The following RGS7 variants were observed in gnomAD, a reference collection of about 807,000 sequenced individuals.
RGS7 encodes regulator of G-protein signaling 7.
RGS7 carries 27 observed loss-of-function variants against 81.1 expected under a neutral mutation model. The observed-to-expected ratio is 0.33, with a 90% CI of 0.25 to 0.46. The LOEUF (loss-of-function observed/expected upper bound fraction) is 0.46. RGS7 is among the 20% of genes least tolerant of loss of function. RGS7 has a pLI of 1.00. For synonymous variants in RGS7, 208 were observed against 207.7 expected (o/e 1.00, Z -0.01); for missense variants, 396 against 607.4 (o/e 0.65, Z 3.66).
intron 2 of RGS7, among the ~76,000 whole-genome samples, chr1:241,205,970 A>G (rs2073852732): frequency 1.3e-5 from 2 of 151,886 alleles, no homozygotes; most frequent in South Asian, 4.1e-4. Flanking sequence ...AAAATTTGGC[A>G]GTAATTTCTA....
chr1:241,115,968 T>C (rs1275280164), intron 2 of RGS7, among the ~76,000 whole-genome samples: 1 of 152,134 alleles, frequency 6.6e-6, no homozygotes, highest in Non-Finnish European at 1.5e-5. Flanking sequence ...TCTCATGGAT[T>C]AAAAGTGTGT....
chr1:241,343,224 T>G (rs1450593077), intron 2 of RGS7, among the ~76,000 whole-genome samples: 1 of 147,844 alleles, frequency 6.8e-6, no homozygotes. Context: ...ATTGCACCAC[T>G]GCACTCCAGC....
At chr1:240,935,894 T>G (rs1676545747) in intron 5 of RGS7, among the ~76,000 whole-genome samples, 1 of 152,200 alleles carries the variant, frequency 6.6e-6, no homozygotes. Flanking sequence ...TGCCTTAATT[T>G]TACAGGCTAG....
intron 3 of RGS7, among the ~76,000 whole-genome samples, chr1:241,024,423 A>C (rs1199040826): frequency 6.6e-6 from 1 of 152,214 alleles, no homozygotes; most frequent in Non-Finnish European, 1.5e-5. Flanking sequence ...TGGAAGTACA[A>C]GTGTTCTCAT....
Position 240,861,746 on chromosome 1 carries a change from G to A in RGS7, c.609+6841C>T, listed in dbSNP as rs530381791. Among the ~76,000 whole-genome samples, 75 of 151,322 alleles carry A rather than the reference G, an allele frequency of 5.0e-4. No homozygotes were observed. In the Middle Eastern group the frequency reaches 0.01, roughly 21 times the overall value. ...ATTAATAATTTCACAATTTTTTTTT[G>A]TTCTTGCTTTTTTTTAGTTTGCCTC... On this transcript the variant is annotated intron_variant, in intron 9 of 18. Coordinates refer to ENST00000440928, the MANE Select transcript of RGS7 (RefSeq NM_001364886.1).
At chr1:240,836,651 GA>G (rs1204332389) in intron 9 of RGS7, among the ~76,000 whole-genome samples, 1 of 152,192 alleles carries the variant, frequency 6.6e-6, no homozygotes, top group African/African-American at 2.4e-5. Context: ...TCTCCAAAGG[GA>G]ATGCAACTCT....
At chr1:241,332,761 C>A (rs1049801250) in intron 2 of RGS7, among the ~76,000 whole-genome samples, 2 of 152,104 alleles carry the variant, frequency 1.3e-5, no homozygotes, top group Admixed American at 6.6e-5. Flanking sequence ...CCTTCTTTGG[C>A]GAGTTTAGTA....
chr1:240,906,219 C>T (rs1014971915), intron 6 of RGS7, among the ~76,000 whole-genome samples: 1 of 152,116 alleles, frequency 6.6e-6, no homozygotes, highest in African/African-American at 2.4e-5. Context: ...TCTTTGATGA[C>T]TCCTCCTGTG....
At chr1:240,900,761 G>A (rs568632835) in intron 6 of RGS7, among the ~76,000 whole-genome samples, 12 of 152,238 alleles carry the variant, frequency 7.9e-5, no homozygotes, top group Admixed American at 2.0e-4. Context: ...TTGAGGAGGC[G>A]GTCTGTCCAT....
intron 14 of RGS7, among the ~76,000 whole-genome samples, chr1:240,810,593 T>C (rs995582342): frequency 3.3e-5 from 5 of 151,976 alleles, no homozygotes. Flanking sequence ...ACTACAGGCA[T>C]GTGCCACCAT....
At chr1:241,283,436 C>A (rs1043884721) in intron 2 of RGS7, among the ~76,000 whole-genome samples, 1 of 152,112 alleles carries the variant, frequency 6.6e-6, no homozygotes, top group Non-Finnish European at 1.5e-5. Flanking sequence ...GTTGTCAATT[C>A]TTTTCTTTTA....
intron 2 of RGS7, among the ~76,000 whole-genome samples, chr1:241,347,425 A>C (rs2082969365): frequency 6.6e-6 from 1 of 152,160 alleles, no homozygotes; most frequent in Non-Finnish European, 1.5e-5. Flanking sequence ...CCTCCTTTAA[A>C]AGTTCAGAGA....
chr1:241,169,048 T>G (rs1226246253), intron 2 of RGS7, among the ~76,000 whole-genome samples: 1 of 152,126 alleles, frequency 6.6e-6, no homozygotes, highest in African/African-American at 2.4e-5. Flanking sequence ...GTCCCCAGAC[T>G]CCTGACCTCC....
intron 18 of RGS7, among the ~76,000 whole-genome samples, chr1:240,782,155 G>A (rs1684227833): frequency 6.6e-6 from 1 of 152,188 alleles, no homozygotes; most frequent in Non-Finnish European, 1.5e-5. Flanking sequence ...TCACATAGTG[G>A]AAAGGAAAAT....
rs112229453 is a variant in RGS7, at chr1:240,938,821, CGT to C, written c.227-2117_227-2116del. Among the ~76,000 whole-genome samples the C allele has an allele frequency of 8.1e-3, 1,183 of 145,688 alleles. 11 individuals carry two copies. Among genetic ancestry groups the C allele is most frequent in the African/African-American group, 0.022 (882 of 40,030 alleles). On this transcript the variant is annotated intron_variant, in intron 4 of 18. Coordinates refer to ENST00000440928, the MANE Select transcript of RGS7 (RefSeq NM_001364886.1). The stretch of plus-strand genomic sequence containing the variant: ...GCATTTTTTTTTCATCAATTTTGTG[CGT>C]GTGTGTGTGTGTGTGTGTGTGTGTA...
intron 2 of RGS7, among the ~76,000 whole-genome samples, chr1:241,111,172 C>T (rs1046528196): frequency 1.3e-5 from 2 of 152,124 alleles, no homozygotes; most frequent in Non-Finnish European, 2.9e-5. Context: ...ACAAATATTT[C>T]GGAAGCCACT....
intron 18 of RGS7, among the ~76,000 whole-genome samples, chr1:240,798,633 C>T (rs1162889051): frequency 1.3e-5 from 2 of 152,088 alleles, no homozygotes; most frequent in Non-Finnish European, 1.5e-5. Flanking sequence ...CCTCCTTTGA[C>T]CCTTTAAATT....
At chr1:240,955,551 C>CAAAAAAAAAA (rs369155474) in intron 4 of RGS7, among the ~76,000 whole-genome samples, 66 of 140,280 alleles carry the variant, frequency 4.7e-4, no homozygotes, top group African/African-American at 1.5e-3. Flanking sequence ...GACTCTGTCT[C>CAAAAAAAAAA]AAAAAAAAAA....
chr1:240,826,493 G>A (rs1692858704), intron 10 of RGS7, among the ~76,000 whole-genome samples: 1 of 152,178 alleles, frequency 6.6e-6, no homozygotes, highest in South Asian at 2.1e-4. Flanking sequence ...TCTATAAGCT[G>A]TGTTCTCAAA....
Sources: allele counts gnomAD v4.1 joint callset (sites outside exome capture counted in the v4.1 genomes callset), GRCh38; gene constraint gnomAD v4.1.1; transcripts MANE v1.5; gene names NCBI Gene and HGNC (gene_info 2026-07-23, HGNC 2026-07-21).